Variants in TNS1 observed in about 807,000 individuals in gnomAD.
TNS1 encodes tensin 1, also known as tensin-1.
TNS1 carries 62 observed loss-of-function variants against 168.6 expected under a neutral mutation model. The observed-to-expected ratio is 0.37, with a 90% CI of 0.30 to 0.45. The LOEUF (loss-of-function observed/expected upper bound fraction) is 0.45. TNS1 is among the 20% of genes least tolerant of loss of function. The pLI is 1.00. For synonymous variants in TNS1, 934 were observed against 933.2 expected, an observed-to-expected ratio of 1.00 and a Z score of -0.02; for missense variants, 2,240 against 2,339.4, an observed-to-expected ratio of 0.96 and a Z score of 0.88.
rs947259126 is a variant in TNS1, at chr2:217,941,418, C to A, written c.187-21182G>T. ...GGAGGCATAGGAAGAACCTCAGAAC[C>A]TTTGCAGGAAGCAGCTGGGTGCGGA... is the stretch of plus-strand genomic sequence containing the variant. On this transcript the variant is annotated intron_variant, in intron 3 of 32. Coordinates refer to ENST00000682258, the MANE Select transcript of TNS1 (RefSeq NM_001387777.1). Among the ~76,000 whole-genome samples, 67 of 152,234 alleles carry A rather than the reference C, an allele frequency of 4.4e-4. 2 individuals carry two copies. Among genetic ancestry groups the A allele is most frequent in the Non-Finnish European group, 4.4e-5 (3 of 68,044 alleles).
chr2:217,976,954 C>A (rs746184649), intron 3 of TNS1, among the ~76,000 whole-genome samples: 1 of 152,144 alleles, frequency 6.6e-6, no homozygotes, highest in Non-Finnish European at 1.5e-5. Flanking sequence ...AGAATTACAC[C>A]GGGACACCTT....
chr2:217,963,985 G>C (rs2126010188), intron 3 of TNS1, among the ~76,000 whole-genome samples: 1 of 151,874 alleles, frequency 6.6e-6, no homozygotes, highest in Admixed American at 6.5e-5. Flanking sequence ...GACTTTGACT[G>C]TTTCCAGTCC....
At position 217,821,646 on chromosome 2, in the gene TNS1, C is replaced by T. The variant is rs548572935; in HGVS notation, c.3572+94G>A. On this transcript the variant is annotated intron_variant, in intron 23 of 32. Transcript: ENST00000682258. The stretch of plus-strand genomic sequence containing the variant: ...TCTGGGTATGCTTTCTGCCTGTCCA[C>T]GCCATAGGCAACAGATCCAGGAGGC... 6.8e-5 allele frequency: 86 copies of T among 1,259,956 alleles called. 4 individuals carry two copies. In the South Asian group the frequency reaches 1.4e-3, roughly 21 times the overall value. The allele number at this position is 1,259,956 out of a possible 1,614,324, so 78.0% of individuals were successfully genotyped here. A position where few individuals can be genotyped will look rare whatever the true frequency, so the allele number is the denominator to read the frequency against.
intron 3 of TNS1, among the ~76,000 whole-genome samples, chr2:217,938,774 C>T (rs369365235): frequency 6.6e-6 from 1 of 152,144 alleles, no homozygotes; most frequent in African/African-American, 2.4e-5. Context: ...ACAGTGATGG[C>T]AACTTTCTCA....
chr2:217,864,609 G>T (rs1233927236), intron 18 of TNS1, among the ~76,000 whole-genome samples: 3 of 152,172 alleles, frequency 2.0e-5, no homozygotes, highest in African/African-American at 7.2e-5. Context: ...CACAATGCTG[G>T]TTTATAACAA....
At chr2:217,837,535 G>A (rs920634559) in intron 19 of TNS1, among the ~76,000 whole-genome samples, 4 of 152,196 alleles carry the variant, frequency 2.6e-5, no homozygotes, top group African/African-American at 9.7e-5. Context: ...TCCCATAATC[G>A]GGGGTGGGGG....
chr2:217,863,921 C>T lies in TNS1; in HGVS notation c.1430-14834G>A, dbSNP rs368118065. Among the ~76,000 whole-genome samples, 51 of 152,316 alleles carry T rather than the reference C, an allele frequency of 3.3e-4. No individual in the cohort carries two copies. In the East Asian group the frequency reaches 3.9e-3, roughly 12 times the overall value. On this transcript the variant is annotated intron_variant, in intron 18 of 32. Transcript: ENST00000682258. ...ACATGTCCTTAGACCTCCCCAGGAC[C>T]TCCTCCCTGCCTCCCAGCCCAGTGG... is the stretch of plus-strand genomic sequence containing the variant.
At chr2:218,025,227 G>C (rs1958840980) in intron 1 of TNS1, among the ~76,000 whole-genome samples, 1 of 152,168 alleles carries the variant, frequency 6.6e-6, no homozygotes, top group South Asian at 2.1e-4. Context: ...AAATGACGAG[G>C]GCCCCAGCTG....
intron 19 of TNS1, among the ~76,000 whole-genome samples, chr2:217,847,095 G>C (rs987339): frequency 0.42 from 63,305 of 152,090 alleles, 13,992 homozygotes; most frequent in African/African-American, 0.59. Flanking sequence ...AGTCTCCTCT[G>C]TGTCTAGAAA....
intron 1 of TNS1, among the ~76,000 whole-genome samples, chr2:218,019,078 CA>C (rs199863901): frequency 0.014 from 2,109 of 147,534 alleles, 57 homozygotes; most frequent in African/African-American, 0.05. Context: ...TTCCATCGCC[CA>C]AAAAAAAGAA....
At chr2:217,949,834 T>A (rs574445137) in intron 3 of TNS1, among the ~76,000 whole-genome samples, 1 of 152,256 alleles carries the variant, frequency 6.6e-6, no homozygotes, top group African/African-American at 2.4e-5. Flanking sequence ...GAGCCAGAAT[T>A]AGCAAGGGAA....
intron 7 of TNS1, among the ~76,000 whole-genome samples, chr2:217,898,229 A>G (rs1190915276): frequency 6.6e-6 from 1 of 152,190 alleles, no homozygotes; most frequent in Non-Finnish European, 1.5e-5. Context: ...GATGACACCA[A>G]TTCTTGGTTC....
chr2:217,893,588 A>G, intron 9 of TNS1, 27 bp from the exon 10 acceptor site: 1 of 1,590,374 alleles, frequency 6.3e-7, no homozygotes, highest in Admixed American at 1.7e-5. Context: ...GAGTGAGAAG[A>G]GGGCAGAAGC....
Position 218,032,517 on chromosome 2 carries a change from T to G in TNS1, c.156+1303A>C, listed in dbSNP as rs549119546. Reference sequence around the variant, plus strand: ...CCTACGGCAGGGCCTGGGGCAGGAATGGGGGGTGTGTCTGCAGCAGGACTG... The same window carrying G: ...CCTACGGCAGGGCCTGGGGCAGGAAGGGGGGGTGTGTCTGCAGCAGGACTG... On this transcript the variant is annotated intron_variant, in intron 1 of 1. Coordinates refer to the TNS1 transcript ENST00000649572. This position sits in a 1 kb window ranked among gnomAD's most constrained non-coding sequence, Gnocchi z 4.0. 3.9e-4 allele frequency among the ~76,000 whole-genome samples: 60 copies of G among 152,070 alleles called. No individual in the cohort carries two copies. The highest frequency in any genetic ancestry group is 1.3e-3 in the African/African-American group (53 of 41,496).
At chr2:218,014,788 T>G (rs1289501288), upstream of TNS1, among the ~76,000 whole-genome samples, 2 of 152,088 alleles carry the variant, frequency 1.3e-5, no homozygotes, top group African/African-American at 4.8e-5. Flanking sequence ...CCTACATCCC[T>G]AGTACCTAGC....
chr2:217,885,384 T>C (rs1340862821), intron 15 of TNS1, among the ~76,000 whole-genome samples: 3 of 152,186 alleles, frequency 2.0e-5, no homozygotes, highest in Non-Finnish European at 4.4e-5. Context: ...GACAAAAATG[T>C]CCTCCCAAGA....
chr2:217,879,075 C>T (rs550546381), intron 18 of TNS1, among the ~76,000 whole-genome samples: 4 of 152,300 alleles, frequency 2.6e-5, no homozygotes, highest in East Asian at 1.9e-4. Flanking sequence ...GAGCCGCTCT[C>T]GGCTCTGCTG....
Position 217,831,557 on chromosome 2 carries a change from G to C in TNS1, c.3281-10C>G. ...CCCGGGGGGGACCGCACTGTGCCAG[G>C]AAGAAGAGGGGAGACACAGGGAGTG... On this transcript the variant is annotated splice_polypyrimidine_tract_variant and intron_variant, in intron 21 of 32. Coordinates refer to ENST00000682258, the MANE Select transcript of TNS1 (RefSeq NM_001387777.1). The C allele has an allele frequency of 6.1e-6, 9 of 1,482,576 alleles. No homozygotes were observed. The highest frequency in any genetic ancestry group is 8.0e-6 in the Non-Finnish European group (9 of 1,119,562). The allele number at this position is 1,482,576 out of a possible 1,614,324, so 91.8% of individuals were successfully genotyped here. A position where few individuals can be genotyped will look rare whatever the true frequency, so the allele number is the denominator to read the frequency against.
At chr2:217,945,063 T>C (rs1368368238) in intron 3 of TNS1, among the ~76,000 whole-genome samples, 2 of 152,148 alleles carry the variant, frequency 1.3e-5, no homozygotes, top group Admixed American at 6.5e-5. Context: ...AGGTGACTTG[T>C]GGAAGTCCAA....
Sources: allele counts gnomAD v4.1 joint callset (sites outside exome capture counted in the v4.1 genomes callset), GRCh38; gene constraint gnomAD v4.1.1; non-coding constraint Gnocchi (gnomAD v3.1); transcripts MANE v1.5; gene names NCBI Gene and HGNC (gene_info 2026-07-23, HGNC 2026-07-21).